CFAP299: variants seen among roughly 807,000 people sequenced by gnomAD.
CFAP299 encodes the protein cilia- and flagella-associated protein 299.
In CFAP299, 21 loss-of-function variants were observed where a neutral mutation model predicts 27.0. That is an observed-to-expected ratio of 0.78 (90% confidence interval 0.55 to 1.12). The LOEUF (loss-of-function observed/expected upper bound fraction) is 1.12, where lower values mean the gene tolerates loss of function less well. CFAP299 is among the 50% of genes most tolerant of loss of function. CFAP299 has a pLI of 0.00. For synonymous variants in CFAP299, 104 were observed against 98.1 expected (o/e 1.06, Z -0.36); for missense variants, 310 against 276.6 (o/e 1.12, Z -0.86).
At chr4:80,854,781 T>C (rs13112477) in intron 3 of CFAP299, among the ~76,000 whole-genome samples, 20,695 of 145,738 alleles carry the variant, frequency 0.14, 1,841 homozygotes, top group Middle Eastern at 0.25. Context: ...TCATAGTTTC[T>C]TTTTCTAGCC....
intron 2 of CFAP299, among the ~76,000 whole-genome samples, chr4:80,371,396 T>C (rs1417625244): frequency 6.6e-6 from 1 of 152,210 alleles, no homozygotes; most frequent in African/African-American, 2.4e-5. Context: ...GTTATACAAA[T>C]TTCTGCAGCC....
chr4:80,925,647 A>G (rs992911267), intron 4 of CFAP299, among the ~76,000 whole-genome samples: 3 of 152,044 alleles, frequency 2.0e-5, no homozygotes, highest in African/African-American at 7.2e-5. Flanking sequence ...AAGTGTCTAA[A>G]AATGTCCTGA....
intron 2 of CFAP299, among the ~76,000 whole-genome samples, chr4:80,407,799 C>T (rs1281184538): frequency 1.3e-5 from 2 of 152,118 alleles, no homozygotes. Flanking sequence ...TGTTCATTAT[C>T]CTCTTACTTT....
Position 80,891,788 on chromosome 4 carries a change from AT to A in CFAP299, c.476+21654del, listed in dbSNP as rs1271624895. On this transcript the variant is annotated intron_variant, in intron 4 of 5. Transcript: ENST00000358105. ...AATAAAAAAAAAAATTAAAAAAAAA[AT>A]AAAAAAAAAAATAAAAGCTTTGAGA... 3.0e-3 allele frequency among the ~76,000 whole-genome samples: 350 copies of A among 114,958 alleles called. 5 individuals are homozygous for A. Among genetic ancestry groups the A allele is most frequent in the African/African-American group, 0.015 (321 of 20,914 alleles). The allele number at this position is 114,958 out of a possible 152,430, so 75.4% of individuals were successfully genotyped here.
chr4:80,525,512 T>A (rs1464473467), intron 2 of CFAP299, among the ~76,000 whole-genome samples: 4 of 152,144 alleles, frequency 2.6e-5, no homozygotes, highest in African/African-American at 9.7e-5. Flanking sequence ...TCAGCCAGGG[T>A]TATTTCTTTG....
intron 3 of CFAP299, among the ~76,000 whole-genome samples, chr4:80,649,525 T>G (rs1740186495): frequency 6.6e-6 from 1 of 152,152 alleles, no homozygotes; most frequent in Non-Finnish European, 1.5e-5. Flanking sequence ...TATTTCATTT[T>G]CTGGCAGTTC....
rs531792463 is a variant in CFAP299, at chr4:80,560,868, C to G, written c.243-22225C>G. Among the ~76,000 whole-genome samples the G allele has an allele frequency of 3.3e-5, 5 of 152,236 alleles. No individual in the cohort carries two copies. In the South Asian group the frequency reaches 1.0e-3, roughly 32 times the overall value. ...GACTCCTGGATGGTGTTTCTGGACC[C>G]ACGTGGGTCCTGTGGGACCTCGCCA... is the stretch of plus-strand genomic sequence containing the variant. On this transcript the variant is annotated intron_variant, in intron 2 of 5. Coordinates refer to ENST00000358105, the MANE Select transcript of CFAP299 (RefSeq NM_152770.3).
At chr4:80,559,486 C>G (rs544535094) in intron 2 of CFAP299, among the ~76,000 whole-genome samples, 32 of 152,154 alleles carry the variant, frequency 2.1e-4, no homozygotes, top group African/African-American at 7.7e-4. Flanking sequence ...ACTACCTCCA[C>G]AGAAAAAAAG....
intron 3 of CFAP299, among the ~76,000 whole-genome samples, chr4:80,836,392 G>A (rs553819752): frequency 6.6e-6 from 1 of 152,152 alleles, no homozygotes. Flanking sequence ...CAAACTCTCA[G>A]CATAGCTGAA....
chr4:80,332,762 A>C (rs1578323050), upstream of CFAP299, among the ~76,000 whole-genome samples: 1 of 152,306 alleles, frequency 6.6e-6, no homozygotes. Context: ...CCTGCTTGCA[A>C]CTGGCAGCTC....
intron 3 of CFAP299, among the ~76,000 whole-genome samples, chr4:80,796,170 C>T (rs957818008): frequency 1.3e-5 from 2 of 152,144 alleles, no homozygotes; most frequent in Non-Finnish European, 2.9e-5. Flanking sequence ...AGGCATTGTG[C>T]TTCTTTCTTG....
At chr4:80,392,849 A>G (rs1560545171) in intron 2 of CFAP299, among the ~76,000 whole-genome samples, 1 of 152,218 alleles carries the variant, frequency 6.6e-6, no homozygotes, top group Non-Finnish European at 1.5e-5. Context: ...TTACTGGTTT[A>G]TGTATTTAAT....
At chr4:80,746,741 G>C (rs17004986) in intron 3 of CFAP299, among the ~76,000 whole-genome samples, 22,521 of 151,948 alleles carry the variant, frequency 0.15, 2,766 homozygotes, top group African/African-American at 0.33. Flanking sequence ...GCAGACAGCT[G>C]TTTCCATATA....
intron 2 of CFAP299, among the ~76,000 whole-genome samples, chr4:80,506,244 T>C (rs1279921853): frequency 6.6e-6 from 1 of 152,034 alleles, no homozygotes; most frequent in Non-Finnish European, 1.5e-5. Flanking sequence ...TTTTAAAAAG[T>C]TTTGGTTATA....
Position 80,629,894 on chromosome 4 carries a change from C to CA in CFAP299, c.333+46719dup, listed in dbSNP as rs540362581. Among the ~76,000 whole-genome samples the CA allele has an allele frequency of 6.1e-3, 798 of 130,054 alleles. 6 individuals are homozygous for CA. The highest frequency in any genetic ancestry group is 0.017 in the South Asian group (71 of 4,130). The allele number at this position is 130,054 out of a possible 152,430, so 85.3% of individuals were successfully genotyped here. A position where few individuals can be genotyped will look rare whatever the true frequency, so the allele number is the denominator to read the frequency against. The stretch of plus-strand genomic sequence containing the variant: ...TGGAAAAAAAAAAAAACAAAAAAAA[C>CA]AAAAAAAACCCAGAAAAATTTATTT... On this transcript the variant is annotated intron_variant, in intron 3 of 5. Transcript: ENST00000358105.
chr4:80,444,336 G>A (rs1394716054), intron 2 of CFAP299, among the ~76,000 whole-genome samples: 1 of 152,034 alleles, frequency 6.6e-6, no homozygotes, highest in Admixed American at 6.6e-5. Flanking sequence ...CAGATATATA[G>A]GCCAATGGAA....
chr4:80,564,888 A>T (rs976306127), intron 2 of CFAP299, among the ~76,000 whole-genome samples: 1 of 152,062 alleles, frequency 6.6e-6, no homozygotes, highest in Non-Finnish European at 1.5e-5. Flanking sequence ...AAAAATATTT[A>T]AAAAGTAATC....
intron 3 of CFAP299, among the ~76,000 whole-genome samples, chr4:80,792,789 A>T (rs769111008): frequency 8.5e-5 from 13 of 152,170 alleles, no homozygotes; most frequent in Non-Finnish European, 1.8e-4. Context: ...ATATTCACAT[A>T]AAGCTCTTAA....
At chr4:80,564,377 AT>A (rs1735181241) in intron 2 of CFAP299, among the ~76,000 whole-genome samples, 2 of 152,068 alleles carry the variant, frequency 1.3e-5, no homozygotes, top group South Asian at 4.1e-4. Flanking sequence ...GTTTCAACAT[AT>A]GCAAGTCAAT....
Sources: allele counts gnomAD v4.1 joint callset (sites outside exome capture counted in the v4.1 genomes callset), GRCh38; gene constraint gnomAD v4.1.1; transcripts MANE v1.5; gene names NCBI Gene and HGNC (gene_info 2026-07-23, HGNC 2026-07-21).